Variants in WDR86 observed in about 807,000 individuals in gnomAD.
WDR86 encodes WD repeat domain 86.
In WDR86, 30 loss-of-function variants were observed where a neutral mutation model predicts 36.5. The ratio of observed to expected loss-of-function variants is 0.82; its 90% CI spans 0.61 to 1.11. The LOEUF is 1.11. WDR86 is among the 50% of genes most tolerant of loss of function. WDR86 has a pLI of 0.00. For synonymous variants in WDR86, 255 were observed against 252.9 expected (o/e 1.01, Z -0.08); for missense variants, 545 against 561.2 (o/e 0.97, Z 0.29).
Position 151,381,426 on chromosome 7 carries a change from G to GA in WDR86, c.*155dup, listed in dbSNP as rs764587133. The GA allele has an allele frequency of 6.7e-7, 1 of 1,489,828 alleles. No individual in the cohort carries two copies. The highest frequency in any genetic ancestry group is 1.5e-5 in the African/African-American group (1 of 68,728). 92.3% of individuals were successfully genotyped at this position (1,489,828 alleles called of 1,614,324 possible). ...CTCCCAGCGCCTCCTGGCCACCAAA[G>GA]AAAAACCAGACGCCTGCGACGGGCT... On this transcript the variant is annotated 3_prime_UTR_variant, in exon 6 of 6. Coordinates refer to ENST00000334493, the MANE Select transcript of WDR86 (RefSeq NM_198285.3). The surrounding 1 kb of genome is among the most constrained non-coding windows in gnomAD (Gnocchi z 4.8).
At chr7:151,403,919 A>G (rs959374824) in intron 1 of WDR86, among the ~76,000 whole-genome samples, 1 of 152,182 alleles carries the variant, frequency 6.6e-6, no homozygotes, top group Non-Finnish European at 1.5e-5. Flanking sequence ...CACCTGCCTA[A>G]GGATCCTGTG....
chr7:151,385,766 G>C (rs895844977), intron 3 of WDR86, among the ~76,000 whole-genome samples: 12 of 152,170 alleles, frequency 7.9e-5, no homozygotes, highest in African/African-American at 2.7e-4. Flanking sequence ...GGGCCCGGGA[G>C]ACAGTCTCAC....
intron 4 of WDR86, among the ~76,000 whole-genome samples, chr7:151,383,525 C>G (rs1160501394): frequency 6.6e-6 from 1 of 151,766 alleles, no homozygotes; most frequent in African/African-American, 2.4e-5. Context: ...CTATGTTGCT[C>G]AGGCTGGTCT....
intron 1 of WDR86, among the ~76,000 whole-genome samples, chr7:151,402,060 A>ATAT (rs1447459275): frequency 1.3e-5 from 1 of 78,040 alleles, no homozygotes; most frequent in African/African-American, 6.2e-5. Context: ...AAAAAAAAAA[A>ATAT]AAAAAAAAAA....
At chr7:151,403,060 C>G (rs1349723897) in intron 1 of WDR86, among the ~76,000 whole-genome samples, 4 of 152,206 alleles carry the variant, frequency 2.6e-5, no homozygotes, top group Admixed American at 2.6e-4. Context: ...CTCCTGCATA[C>G]TTCAGTTCAT....
chr7:151,392,220 G>A (rs958195899), intron 3 of WDR86, among the ~76,000 whole-genome samples: 6 of 151,928 alleles, frequency 3.9e-5, no homozygotes, highest in Non-Finnish European at 7.4e-5. Flanking sequence ...GCTCCCCTGC[G>A]CCCAGGCCTG....
chr7:151,375,988 G>A (rs373230911), exon 2 of WDR86: 273 of 1,198,492 alleles, frequency 2.3e-4, no homozygotes, highest in Non-Finnish European at 2.4e-4. Flanking sequence ...AGCCTCGGGT[G>A]GGGTTGCTTG....
chr7:151,409,230 A>C lies in WDR86; in HGVS notation c.163+197T>G, dbSNP rs1038511689. The C allele has an allele frequency of 6.5e-6, 5 of 765,382 alleles. No individual in the cohort carries two copies. Among genetic ancestry groups the C allele is most frequent in the East Asian group, 3.7e-5 (1 of 26,746 alleles). The allele number at this position is 765,382 out of a possible 1,614,324, so 47.4% of individuals were successfully genotyped here. A position where few individuals can be genotyped will look rare whatever the true frequency, so the allele number is the denominator to read the frequency against. ...GCACCCTGCTCTGCACCCGCACCCC[A>C]CCCCCAGACCTCACCCTGCCCTGCC... On this transcript the variant is annotated intron_variant, in intron 1 of 5. Coordinates refer to ENST00000334493, the MANE Select transcript of WDR86 (RefSeq NM_198285.3). This position sits in a 1 kb window ranked among gnomAD's most constrained non-coding sequence, Gnocchi z 5.2.
upstream of WDR86, chr7:151,410,634 A>T (rs1052297912): frequency 6.6e-6 from 1 of 152,004 alleles, no homozygotes; most frequent in African/African-American, 2.4e-5. Context: ...GGCGCCTCTA[A>T]TGGACCCCGG....
At chr7:151,384,681 G>T (rs11769516) in intron 4 of WDR86, among the ~76,000 whole-genome samples, 6,907 of 152,322 alleles carry the variant, frequency 0.045, 225 homozygotes, top group Non-Finnish European at 0.07. Context: ...CCACCTCATT[G>T]GAACCACAGC....
At chr7:151,387,294 C>T (rs1167251881) in intron 3 of WDR86, among the ~76,000 whole-genome samples, 1 of 152,110 alleles carries the variant, frequency 6.6e-6, no homozygotes, top group Non-Finnish European at 1.5e-5. Context: ...CAGGAGAGGA[C>T]AAAGGGAAGC....
chr7:151,374,418 A>G (rs1563031225), downstream of WDR86: 2 of 819,950 alleles, frequency 2.4e-6, no homozygotes, highest in Admixed American at 2.1e-5. Context: ...GCGTGAGGCC[A>G]CGTGAGGCCC....
At chr7:151,402,070 A>AAAAAAAAAAAAAAATATATATATAT in intron 1 of WDR86, among the ~76,000 whole-genome samples, 4 of 50,528 alleles carry the variant, frequency 7.9e-5, no homozygotes, top group African/African-American at 1.2e-4. Context: ...AAAAAAAAAA[A>AAAAAAAAAAAAAAATATATATATAT]ATATATATAT....
At chr7:151,373,207 T>C (rs12670537), downstream of WDR86, among the ~76,000 whole-genome samples, 68,021 of 152,058 alleles carry the variant, frequency 0.45, 16,303 homozygotes, top group Non-Finnish European at 0.55. Flanking sequence ...CTGGTCTCCC[T>C]GGGAGAATGT....
downstream of WDR86, chr7:151,377,229 A>G (rs1563034772): frequency 6.6e-7 from 1 of 1,516,924 alleles, no homozygotes; most frequent in East Asian, 2.3e-5. Context: ...AAACTAAATA[A>G]TGAACAGAAA....
At chr7:151,389,280 A>G (rs969872597) in intron 3 of WDR86, among the ~76,000 whole-genome samples, 11 of 152,054 alleles carry the variant, frequency 7.2e-5, no homozygotes, top group African/African-American at 2.7e-4. Flanking sequence ...ATTTTGTTAC[A>G]GGAGCAGCAA....
the WDR86 span, chr7:151,368,995 G>A: frequency 1.6e-6 from 2 of 1,224,362 alleles, no homozygotes; most frequent in Non-Finnish European, 2.2e-6. Flanking sequence ...AGATTGGGAA[G>A]GAAGGAGAAA....
chr7:151,402,902 G>A (rs1275214172), intron 1 of WDR86, among the ~76,000 whole-genome samples: 1 of 152,194 alleles, frequency 6.6e-6, no homozygotes, highest in Non-Finnish European at 1.5e-5. Context: ...TGCCCTTCAG[G>A]TAAAGATGGT....
intron 3 of WDR86, among the ~76,000 whole-genome samples, chr7:151,386,126 A>G (rs1266791420): frequency 6.6e-6 from 1 of 152,180 alleles, no homozygotes; most frequent in Admixed American, 6.5e-5. Context: ...GGTCAGGCAC[A>G]CAGGGCATTT....
Sources: allele counts gnomAD v4.1 joint callset (sites outside exome capture counted in the v4.1 genomes callset), GRCh38; gene constraint gnomAD v4.1.1; non-coding constraint Gnocchi (gnomAD v3.1); transcripts MANE v1.5; gene names NCBI Gene and HGNC (gene_info 2026-07-23, HGNC 2026-07-21).